ADGRL1: variants seen among roughly 807,000 people sequenced by gnomAD.
ADGRL1 encodes adhesion G protein-coupled receptor L1.
ADGRL1 carries 31 observed loss-of-function variants against 148.9 expected under a neutral mutation model. The observed-to-expected ratio is 0.21, with a 90% CI of 0.16 to 0.28. The LOEUF is 0.28. Ranked by LOEUF, ADGRL1 falls within the 10% of genes least tolerant of loss-of-function variation. The pLI is 1.00. For missense variants in ADGRL1, 1,521 were observed against 2,058.8 expected (o/e 0.74, Z 5.05); for synonymous variants, 937 against 900.3 (o/e 1.04, Z -0.73).
At position 14,151,060 on chromosome 19, in the gene ADGRL1, G is replaced by A. The variant is rs758201692; in HGVS notation, c.4223C>T (p.Pro1408Leu). The change falls in exon 23 of 23, where the codon CCT becomes CTT. Residue 1408 changes from proline (P) to leucine (L), a missense_variant. Pro to Leu is a moderately conservative substitution (Grantham distance 98). This residue lies in a region of ADGRL1 where 390 missense variants were observed against 375.0 expected (regional missense o/e 1.04). Coordinates refer to ENST00000361434, the MANE Select transcript of ADGRL1 (RefSeq NM_014921.5). ...TTCGGGGGGGCCGGGGGGTGCGGGA[G>A]GGGGTGGGGGCAGGGCCTCACTGGG... ...EGPSEALPPP[P>L]PAPPGPPEIY... is the part of the protein sequence containing the mutation. The A allele has an allele frequency of 2.7e-6, 4 of 1,488,764 alleles. No individual in the cohort carries two copies. The highest frequency in any genetic ancestry group is 4.6e-5 in the Admixed American group (2 of 43,272). 92.2% of individuals were successfully genotyped at this position (1,488,764 alleles called of 1,614,324 possible).
Position 14,159,985 on chromosome 19 carries a change from G to A in ADGRL1, c.1800+127C>T, listed in dbSNP as rs1297602592. The A allele has an allele frequency of 1.0e-5, 11 of 1,084,786 alleles. No homozygotes were observed. Among genetic ancestry groups the A allele is most frequent in the African/African-American group, 3.1e-5 (2 of 63,734 alleles). The allele number at this position is 1,084,786 out of a possible 1,614,324, so 67.2% of individuals were successfully genotyped here. A position where few individuals can be genotyped will look rare whatever the true frequency, so the allele number is the denominator to read the frequency against. ...GGCAGTCCTTGGCGGAGAGGGGGGG[G>A]TCCTTCCTCTCTGAGGAAAGGAGTG... On this transcript the variant is annotated intron_variant, in intron 8 of 22. Transcript: ENST00000361434. This position sits in a 1 kb window ranked among gnomAD's most constrained non-coding sequence, Gnocchi z 6.0.
At chr19:14,190,483 C>A (rs1971858905) in intron 1 of ADGRL1, among the ~76,000 whole-genome samples, 1 of 151,830 alleles carries the variant, frequency 6.6e-6, no homozygotes, top group African/African-American at 2.4e-5. Flanking sequence ...TTCAGGCTGG[C>A]CTTGCACTCC....
Position 14,161,854 on chromosome 19 carries a change from C to T in ADGRL1, c.1196-228G>A, listed in dbSNP as rs1042567230. Among the ~76,000 whole-genome samples the T allele has an allele frequency of 1.3e-5, 2 of 152,114 alleles. No homozygotes were observed. The highest frequency in any genetic ancestry group is 2.1e-4 in the South Asian group (1 of 4,834). ...AGTAGCAAAGAGTGGTAAAAATCCACGATGTGTACCATAAGGTCTGAGAGA... is the reference window on the plus strand; with the variant it reads ...AGTAGCAAAGAGTGGTAAAAATCCATGATGTGTACCATAAGGTCTGAGAGA... On this transcript the variant is annotated intron_variant, in intron 5 of 22. Coordinates refer to ENST00000361434, the MANE Select transcript of ADGRL1 (RefSeq NM_014921.5). The surrounding 1 kb of genome is among the most constrained non-coding windows in gnomAD (Gnocchi z 4.4).
intron 2 of ADGRL1, among the ~76,000 whole-genome samples, chr19:14,180,772 T>A (rs1313519136): frequency 2.0e-5 from 3 of 152,190 alleles, no homozygotes; most frequent in Non-Finnish European, 4.4e-5. Context: ...CAGGCTGGTC[T>A]CAAACTCTTG....
At chr19:14,171,815 G>A (rs1427355128) in intron 3 of ADGRL1, among the ~76,000 whole-genome samples, 1 of 152,170 alleles carries the variant, frequency 6.6e-6, no homozygotes, top group Non-Finnish European at 1.5e-5. Flanking sequence ...ATGTAAGGGG[G>A]AACCTATTTA....
chr19:14,198,985 G>A (rs1285679194), intron 1 of ADGRL1, among the ~76,000 whole-genome samples: 3 of 152,216 alleles, frequency 2.0e-5, no homozygotes, highest in African/African-American at 7.2e-5. Context: ...AGTTCTAGAA[G>A]CTAGGGCCCG....
intron 4 of ADGRL1, among the ~76,000 whole-genome samples, chr19:14,168,339 C>T (rs1050206974): frequency 2.0e-5 from 3 of 152,206 alleles, no homozygotes; most frequent in African/African-American, 7.2e-5. Context: ...CTAGCTACCT[C>T]CTGTCCCCGC....
Position 14,150,762 on chromosome 19 carries a change from G to C in ADGRL1, c.*111C>G. 7.5e-7 allele frequency: 1 copy of C among 1,336,300 alleles called. No homozygotes were observed. Among genetic ancestry groups the C allele is most frequent in the Non-Finnish European group, 1.0e-6 (1 of 978,114 alleles). 82.8% of individuals were successfully genotyped at this position (1,336,300 alleles called of 1,614,324 possible). On this transcript the variant is annotated 3_prime_UTR_variant, in exon 23 of 23. Coordinates refer to ENST00000361434, the MANE Select transcript of ADGRL1 (RefSeq NM_014921.5). Reference sequence around the variant, plus strand: ...AGGGCCCATGGCTGAGGGGCACCTGGAGAGAGTGGCCCACCAGCCACTGCC... The same window carrying C: ...AGGGCCCATGGCTGAGGGGCACCTGCAGAGAGTGGCCCACCAGCCACTGCC...
chr19:14,196,925 C>T (rs1241370250), intron 1 of ADGRL1, among the ~76,000 whole-genome samples: 1 of 152,072 alleles, frequency 6.6e-6, no homozygotes, highest in Non-Finnish European at 1.5e-5. Context: ...ACACTCAGCA[C>T]AGCGCCTGGC....
Position 14,159,350 on chromosome 19 carries a change from C to T in ADGRL1, c.2023+51G>A, listed in dbSNP as rs373980384. The T allele has an allele frequency of 1.3e-5, 21 of 1,575,250 alleles. No individual in the cohort carries two copies. In the African/African-American group the frequency reaches 2.0e-4, roughly 15 times the overall value. Reference sequence around the variant, plus strand: ...CCCTGTGGCCTCCAGGCCAGAACCCCGTGGTTTAAGGTTCGTATCTGAGTT... The same window carrying T: ...CCCTGTGGCCTCCAGGCCAGAACCCTGTGGTTTAAGGTTCGTATCTGAGTT... On this transcript the variant is annotated intron_variant, in intron 10 of 22. Transcript: ENST00000361434. This position sits in a 1 kb window ranked among gnomAD's most constrained non-coding sequence, Gnocchi z 6.0.
intron 4 of ADGRL1, among the ~76,000 whole-genome samples, chr19:14,163,998 T>C (rs953004870): frequency 2.0e-5 from 3 of 151,056 alleles, no homozygotes; most frequent in African/African-American, 7.3e-5. Context: ...CAAGGTAGAG[T>C]GGTGTTTCCA....
intron 11 of ADGRL1, 104 bp downstream of exon 11, chr19:14,158,986 G>T: frequency 7.1e-7 from 1 of 1,407,710 alleles, no homozygotes; most frequent in Non-Finnish European, 9.8e-7. Flanking sequence ...ATGAGAAAAG[G>T]TCAGCACCGC....
intron 4 of ADGRL1, among the ~76,000 whole-genome samples, chr19:14,168,347 C>G (rs889204206): frequency 6.6e-6 from 1 of 152,192 alleles, no homozygotes; most frequent in Non-Finnish European, 1.5e-5. Context: ...CTCCTGTCCC[C>G]GCTTTAACTC....
chr19:14,168,348 G>A (rs1004581762), intron 4 of ADGRL1, among the ~76,000 whole-genome samples: 1 of 152,128 alleles, frequency 6.6e-6, no homozygotes, highest in South Asian at 2.1e-4. Context: ...TCCTGTCCCC[G>A]CTTTAACTCC....
At chr19:14,200,635 C>T (rs1445705312) in intron 1 of ADGRL1, among the ~76,000 whole-genome samples, 1 of 152,168 alleles carries the variant, frequency 6.6e-6, no homozygotes, top group Non-Finnish European at 1.5e-5. Context: ...TTTTTTGAGA[C>T]AGGGTCTTGC....
rs1968791228 is a variant in ADGRL1, at chr19:14,156,648, C to T, written c.3033+10G>A. 2.7e-5 allele frequency: 43 copies of T among 1,609,638 alleles called. No homozygotes were observed. The highest frequency in any genetic ancestry group is 3.6e-5 in the Non-Finnish European group (42 of 1,178,582). ...AGATGTGGTGCTAGGGGTGTCACCTCCCAACTCACCACGATAACGAAGGAG... is the reference window on the plus strand; with the variant it reads ...AGATGTGGTGCTAGGGGTGTCACCTTCCAACTCACCACGATAACGAAGGAG... On this transcript the variant is annotated intron_variant, in intron 16 of 22. Coordinates refer to ENST00000361434, the MANE Select transcript of ADGRL1 (RefSeq NM_014921.5).
rs553081394 is a variant in ADGRL1 at position 14,195,624 on chromosome 19, T to C, written c.-96+10361A>G. 3.0e-3 allele frequency among the ~76,000 whole-genome samples: 461 copies of C among 152,168 alleles called. 2 individuals carry two copies. The highest frequency in any genetic ancestry group is 0.011 in the African/African-American group (446 of 41,498). On this transcript the variant is annotated intron_variant, in intron 1 of 22. Coordinates refer to ENST00000361434, the MANE Select transcript of ADGRL1 (RefSeq NM_014921.5). The stretch of plus-strand genomic sequence containing the variant: ...AAACCCAGCCGCCCATGAGCCCGCC[T>C]CCTTCAGGAAGCCCTCAGGCATCCG...
In ADGRL1 at chr19:14,160,226, C is replaced by G. The variant is rs565099678; in HGVS notation, c.1686G>C (p.Ala562=). 1.9e-6 allele frequency: 3 copies of G among 1,601,154 alleles called. No individual in the cohort carries two copies. The African/African-American group carries it at 4.0e-5, about 21-fold the overall frequency. Residue 562 remains alanine, a synonymous_variant, in exon 8 of 23, where the codon GCG becomes GCC. Transcript: ENST00000361434. The surrounding 1 kb of genome is among the most constrained non-coding windows in gnomAD (Gnocchi z 5.9). ...GCTTCACAGAGGAGGAGACGTCCCC[C>G]GCGTAGATGGAGCCCCGGGTGTGTC... ...LARHTRGSIY[A]GDVSSSVKLM...
chr19:14,156,104 G>T lies in ADGRL1; in HGVS notation c.3125+6C>A, dbSNP rs1199631560. The T allele has an allele frequency of 1.4e-5, 23 of 1,608,136 alleles. No individual in the cohort carries two copies. Among genetic ancestry groups the T allele is most frequent in the Non-Finnish European group, 1.8e-5 (21 of 1,178,232 alleles). On this transcript the variant is annotated splice_donor_region_variant and intron_variant, in intron 17 of 22. Coordinates refer to ENST00000361434, the MANE Select transcript of ADGRL1 (RefSeq NM_014921.5). ...GGGGCAGGGGGCAGGCAGGGGCGAG[G>T]CTCACTTAATGTTGTCCAGGCGGCT...
Sources: allele counts gnomAD v4.1 joint callset (sites outside exome capture counted in the v4.1 genomes callset), GRCh38; gene constraint gnomAD v4.1.1; regional missense constraint gnomAD v4.1.1; non-coding constraint Gnocchi (gnomAD v3.1); transcripts MANE v1.5; gene names NCBI Gene and HGNC (gene_info 2026-07-23, HGNC 2026-07-21).